Variants in KPNA6 observed in about 807,000 individuals in gnomAD.
The protein encoded by KPNA6 is karyopherin subunit alpha 6.
KPNA6 carries 9 observed loss-of-function variants against 72.0 expected under a neutral mutation model. The observed-to-expected ratio is 0.13, with a 90% confidence interval of 0.08 to 0.22. The LOEUF is 0.22. KPNA6 is among the 10% of genes least tolerant of loss of function. The pLI, the probability that KPNA6 is intolerant of heterozygous loss-of-function variation, is 1.00. For synonymous variants in KPNA6, 219 were observed against 242.1 expected (o/e 0.90, Z 0.89); for missense variants, 374 against 655.7 (o/e 0.57, Z 4.69).
chr1:32,108,838 C>T (rs572214086), intron 1 of KPNA6, among the ~76,000 whole-genome samples: 1 of 152,294 alleles, frequency 6.6e-6, no homozygotes, highest in African/African-American at 2.4e-5. Context: ...AAAGGAGCGA[C>T]CTGTTGATCT....
At chr1:32,129,418 A>C (rs1641597846) in intron 1 of KPNA6, among the ~76,000 whole-genome samples, 2 of 152,058 alleles carry the variant, frequency 1.3e-5, no homozygotes. Flanking sequence ...TGTTTGATTC[A>C]AATGCGGTTG....
At chr1:32,130,219 A>T (rs1191228229) in intron 1 of KPNA6, among the ~76,000 whole-genome samples, 1 of 140,992 alleles carries the variant, frequency 7.1e-6, no homozygotes, top group African/African-American at 2.6e-5. Flanking sequence ...TTAGTAGATA[A>T]ATATTTTTTT....
intron 1 of KPNA6, among the ~76,000 whole-genome samples, chr1:32,132,108 T>C (rs1406206616): frequency 6.6e-6 from 1 of 151,720 alleles, no homozygotes; most frequent in Non-Finnish European, 1.5e-5. Context: ...GTAGCTGGGA[T>C]TACAGGTATG....
intron 1 of KPNA6, among the ~76,000 whole-genome samples, chr1:32,132,357 G>A (rs1262565735): frequency 6.6e-6 from 1 of 152,110 alleles, no homozygotes; most frequent in Non-Finnish European, 1.5e-5. Context: ...AGAGTGCTGT[G>A]GTGTGATCAC....
intron 12 of KPNA6, among the ~76,000 whole-genome samples, chr1:32,169,679 C>T (rs1052042564): frequency 1.4e-5 from 2 of 147,976 alleles, no homozygotes; most frequent in African/African-American, 2.5e-5. Flanking sequence ...CCAGGATGGT[C>T]GCGATCTCTT....
chr1:32,112,217 G>A (rs915013983), intron 1 of KPNA6, among the ~76,000 whole-genome samples: 3 of 152,120 alleles, frequency 2.0e-5, no homozygotes, highest in African/African-American at 7.2e-5. Context: ...GCACCAAAAT[G>A]TGTGAACCAC....
chr1:32,138,682 T>C (rs1457301621), intron 1 of KPNA6, among the ~76,000 whole-genome samples: 1 of 151,992 alleles, frequency 6.6e-6, no homozygotes, highest in East Asian at 1.9e-4. Context: ...CTCTGGAAGA[T>C]GACCACAGTA....
chr1:32,164,425 T>C (rs1642294311), intron 10 of KPNA6, among the ~76,000 whole-genome samples: 1 of 152,230 alleles, frequency 6.6e-6, no homozygotes, highest in Non-Finnish European at 1.5e-5. Flanking sequence ...GTTCTAATTT[T>C]ATGCCTAATT....
At chr1:32,168,621 A>G (rs1037255248) in intron 12 of KPNA6, among the ~76,000 whole-genome samples, 1 of 152,248 alleles carries the variant, frequency 6.6e-6, no homozygotes, top group African/African-American at 2.4e-5. Flanking sequence ...GAGAAAAGAG[A>G]TAGCTGTTGA....
rs72666764 is a variant in KPNA6 at position 32,158,083 on chromosome 1, C to T, written c.332-184C>T. Among the ~76,000 whole-genome samples, 1,115 of 152,296 alleles carry T rather than the reference C, an allele frequency of 7.3e-3. 6 individuals carry two copies. Among genetic ancestry groups the T allele is most frequent in the Non-Finnish European group, 0.011 (774 of 68,028 alleles). On this transcript the variant is annotated intron_variant, in intron 4 of 13. Coordinates refer to ENST00000373625, the MANE Select transcript of KPNA6 (RefSeq NM_012316.5). ...AATTAGGATTGGCTTTACTCTTTAA[C>T]ATTCCAGCTGTATTATACAGTTCAA...
intron 1 of KPNA6, among the ~76,000 whole-genome samples, chr1:32,124,200 C>G (rs1238911306): frequency 6.6e-6 from 1 of 151,728 alleles, no homozygotes; most frequent in Admixed American, 6.6e-5. Flanking sequence ...TGATCAAACC[C>G]CGTGTCTACA....
intron 3 of KPNA6, 72 bp downstream of exon 3, chr1:32,157,017 A>G (rs1642157622): frequency 1.9e-6 from 2 of 1,078,110 alleles, no homozygotes; most frequent in Admixed American, 2.0e-5. Flanking sequence ...TGGGCCGTTC[A>G]CATCATCTAC....
At chr1:32,118,344 CT>C (rs201054117) in intron 1 of KPNA6, among the ~76,000 whole-genome samples, 13,871 of 143,506 alleles carry the variant, frequency 0.097, 820 homozygotes, top group South Asian at 0.26. Context: ...TTTGTTCTTA[CT>C]TTTTTTTTTT....
chr1:32,168,984 C>T (rs1642386923), intron 12 of KPNA6, among the ~76,000 whole-genome samples: 1 of 152,078 alleles, frequency 6.6e-6, no homozygotes, highest in Non-Finnish European at 1.5e-5. Context: ...TTGGTAGCAT[C>T]CACATGTGAA....
chr1:32,128,220 C>T (rs1371671498), intron 1 of KPNA6, among the ~76,000 whole-genome samples: 1 of 151,408 alleles, frequency 6.6e-6, no homozygotes, highest in African/African-American at 2.4e-5. Flanking sequence ...CAGTCTTCTC[C>T]TGTGTCTCCC....
chr1:32,141,780 G>A (rs911524726), intron 1 of KPNA6, among the ~76,000 whole-genome samples: 16 of 151,938 alleles, frequency 1.1e-4, no homozygotes, highest in African/African-American at 2.4e-4. Context: ...CGCCTTTGCC[G>A]AGGTCTAAAG....
intron 1 of KPNA6, among the ~76,000 whole-genome samples, chr1:32,123,295 G>A (rs1406200949): frequency 6.6e-6 from 1 of 152,018 alleles, no homozygotes; most frequent in African/African-American, 2.4e-5. Context: ...ACCTTCCTAA[G>A]GAAACTTTTT....
Position 32,171,031 on chromosome 1 carries a change from C to T in KPNA6, c.*137C>T. On this transcript the variant is annotated 3_prime_UTR_variant, in exon 14 of 14. Coordinates refer to ENST00000373625, the MANE Select transcript of KPNA6 (RefSeq NM_012316.5). ...CTGCCCTGGAGACTGTGCTCTTGACCTGCTCCGCCCCCTTCCCTGGAGGGA... is the reference window on the plus strand; with the variant it reads ...CTGCCCTGGAGACTGTGCTCTTGACTTGCTCCGCCCCCTTCCCTGGAGGGA... 1 of 714,782 alleles carries T rather than the reference C, an allele frequency of 1.4e-6. No individual in the cohort carries two copies. The highest frequency in any genetic ancestry group is 2.7e-5 in the East Asian group (1 of 36,958). 44.3% of individuals were successfully genotyped at this position (714,782 alleles called of 1,614,324 possible). A position where few individuals can be genotyped will look rare whatever the true frequency, so the allele number is the denominator to read the frequency against.
rs139087818 is a variant in KPNA6 at position 32,161,719 on chromosome 1, G to A, written c.648-228G>A. Among the ~76,000 whole-genome samples the A allele has an allele frequency of 3.9e-4, 60 of 152,196 alleles. 1 individual carries two copies. In the East Asian group the frequency reaches 9.3e-3, roughly 23 times the overall value. ...TACTCCAGATCTAGCCCTCTGTTTCGTCCCTATTATCTATGGTATTAACTA... is the reference window on the plus strand; with the variant it reads ...TACTCCAGATCTAGCCCTCTGTTTCATCCCTATTATCTATGGTATTAACTA... On this transcript the variant is annotated intron_variant, in intron 7 of 13. Coordinates refer to ENST00000373625, the MANE Select transcript of KPNA6 (RefSeq NM_012316.5).
Sources: allele counts gnomAD v4.1 joint callset (sites outside exome capture counted in the v4.1 genomes callset), GRCh38; gene constraint gnomAD v4.1.1; transcripts MANE v1.5; gene names NCBI Gene and HGNC (gene_info 2026-07-23, HGNC 2026-07-21).